Variants in AARSD1 observed in about 807,000 individuals in gnomAD.
AARSD1 encodes the protein alanyl-tRNA editing protein Aarsd1.
In AARSD1, 44 loss-of-function variants were observed where a neutral mutation model predicts 48.7. The observed-to-expected ratio is 0.90, with a 90% CI of 0.71 to 1.16. AARSD1 has a LOEUF of 1.16. AARSD1 is among the 50% of genes most tolerant of loss of function. The probability of loss-of-function intolerance (pLI) is 0.00; values close to 1 mark genes in which losing one functional copy is unlikely to be tolerated. For missense variants in AARSD1, 511 were observed against 523.1 expected, an observed-to-expected ratio of 0.98 and a Z score of 0.23; for synonymous variants, 189 against 194.9, an observed-to-expected ratio of 0.97 and a Z score of 0.25.
chr17:42,954,816 A>T, intron 9 of AARSD1, 60 bp downstream of exon 9: 2 of 1,565,760 alleles, frequency 1.3e-6, no homozygotes, highest in Non-Finnish European at 1.8e-6. Flanking sequence ...TATAGAGAAG[A>T]CACTGAGCCC....
At chr17:42,959,013 A>G (rs62076371) in intron 3 of AARSD1, among the ~76,000 whole-genome samples, 78,346 of 147,776 alleles carry the variant, frequency 0.53, 24,068 homozygotes, top group Non-Finnish European at 0.68. Context: ...CCTGGCCAAC[A>G]TGGTGAACCC....
At chr17:42,951,588 A>C (rs953616174) in intron 11 of AARSD1, among the ~76,000 whole-genome samples, 1 of 152,182 alleles carries the variant, frequency 6.6e-6, no homozygotes, top group African/African-American at 2.4e-5. Flanking sequence ...AAACAAAAAC[A>C]AAAACATACA....
intron 3 of AARSD1, among the ~76,000 whole-genome samples, chr17:42,958,899 TTAACTTA>T (rs1296652550): frequency 6.6e-6 from 1 of 151,102 alleles, no homozygotes; most frequent in Admixed American, 6.6e-5. Flanking sequence ...CATTTCCACT[TTAACTTA>T]TATTTATTTA....
intron 9 of AARSD1, chr17:42,954,031 G>C (rs2049513501): frequency 3.9e-6 from 2 of 510,996 alleles, no homozygotes; most frequent in Non-Finnish European, 7.1e-6. Flanking sequence ...AAATCTGTTA[G>C]AGAGTAAAGG....
chr17:42,958,859 C>T (rs940445199), intron 3 of AARSD1, among the ~76,000 whole-genome samples: 29 of 151,288 alleles, frequency 1.9e-4, no homozygotes, highest in Admixed American at 1.6e-3. Flanking sequence ...TGAGCCACCA[C>T]GCTCAGTCTG....
At position 42,956,516 on chromosome 17, in the gene AARSD1, G is replaced by T. The variant is rs774854769; in HGVS notation, c.434C>A (p.Ser145Tyr). ...GGCAGCTACTTGCTCTGCAGTCATA[G>T]AGGGGGTGTCCAGCTCAATCGCACT... ...FRSAIELDTP[S>Y]MTAEQVAAIE... Residue 145 changes from serine to tyrosine, a missense_variant, in exon 5 of 12, where the codon TCT becomes TAT. Transcript: ENST00000427569. The T allele has an allele frequency of 6.2e-7, 1 of 1,614,052 alleles. No individual in the cohort carries two copies. Among genetic ancestry groups the T allele is most frequent in the South Asian group, 1.1e-5 (1 of 91,084 alleles).
intron 3 of AARSD1, among the ~76,000 whole-genome samples, chr17:42,960,194 G>A (rs888571736): frequency 2.0e-5 from 3 of 151,898 alleles, no homozygotes; most frequent in Non-Finnish European, 2.9e-5. Flanking sequence ...ACTTGAGCCC[G>A]GGAGGTGAGG....
chr17:42,955,318 C>T, intron 7 of AARSD1, 94 bp from the exon 8 acceptor site: 1 of 1,485,942 alleles, frequency 6.7e-7, no homozygotes. Context: ...GCTATGGTGC[C>T]TCCCTGCAGT....
Position 42,961,277 on chromosome 17 carries a change from G to A in AARSD1, c.246C>T (p.Phe82=). The A allele has an allele frequency of 6.2e-7, 1 of 1,614,162 alleles. No homozygotes were observed. The highest frequency in any genetic ancestry group is 1.1e-5 in the South Asian group (1 of 91,080). The part of the protein sequence containing the change: ...VTRRGEQADH[F]TQTPLDPGSQ... ...TTCCTGGATCCAGGGGTGTCTGGGT[G>A]AAATGATCAGCCTGTTCCCCACGGC... The change falls in exon 3 of 12, where the codon TTC becomes TTT. Residue 82 remains phenylalanine, a synonymous_variant. Coordinates refer to ENST00000427569, the MANE Select transcript of AARSD1 (RefSeq NM_001261434.2).
chr17:42,956,590 A>C, intron 4 of AARSD1, 30 bp from the exon 5 acceptor site: 3 of 1,563,418 alleles, frequency 1.9e-6, no homozygotes, highest in Non-Finnish European at 2.6e-6. Flanking sequence ...CACAGATAAC[A>C]TATCTTACTG....
Position 42,964,167 on chromosome 17 carries a change from A to C in AARSD1, c.110T>G (p.Val37Gly). Residue 37 changes from valine (V) to glycine (G), a missense_variant, in exon 2 of 12, where the codon GTG becomes GGG. Val to Gly is a moderately radical substitution (Grantham distance 109). Coordinates refer to ENST00000427569, the MANE Select transcript of AARSD1 (RefSeq NM_001261434.2). The part of the protein sequence containing the change: ...QTEGSNGKKE[V>G]LSGFQVVLED... Reference sequence around the variant, plus strand: ...CAGCACCACTTGGAAACCGCTCAGCACTTCTTTCTTGCCGTTGCTCCCTTC... The same window carrying C: ...CAGCACCACTTGGAAACCGCTCAGCCCTTCTTTCTTGCCGTTGCTCCCTTC... 1.2e-6 allele frequency: 2 copies of C among 1,614,230 alleles called. No homozygotes were observed. The highest frequency in any genetic ancestry group is 1.7e-6 in the Non-Finnish European group (2 of 1,180,052).
intron 1 of AARSD1, 24 bp from the exon 2 acceptor site, chr17:42,964,261 T>G (rs771886531): frequency 6.6e-7 from 1 of 1,525,064 alleles, no homozygotes; most frequent in East Asian, 2.4e-5. Flanking sequence ...AATGAGAGAA[T>G]AAGCCCCGAC....
intron 11 of AARSD1, 107 bp downstream of exon 11, chr17:42,951,693 G>T: frequency 8.2e-7 from 1 of 1,218,664 alleles, no homozygotes; most frequent in African/African-American, 1.5e-5. Context: ...TGCCCATGAT[G>T]TGAATTAAAT....
intron 2 of AARSD1, among the ~76,000 whole-genome samples, 187 bp downstream of exon 2, chr17:42,963,919 G>C (rs781242919): frequency 1.3e-5 from 2 of 152,088 alleles, no homozygotes; most frequent in Non-Finnish European, 2.9e-5. Context: ...TTACAGCCTG[G>C]AATAATATCT....
chr17:42,961,396 C>T (rs377620891), intron 2 of AARSD1, 45 bp from the exon 3 acceptor site: 42 of 1,612,244 alleles, frequency 2.6e-5, no homozygotes, highest in African/African-American at 9.3e-5. Context: ...GCAGGGCTCA[C>T]CCTAACTTCT....
At chr17:42,954,652 T>A (rs759421399) in intron 9 of AARSD1, among the ~76,000 whole-genome samples, 2 of 151,982 alleles carry the variant, frequency 1.3e-5, no homozygotes, top group African/African-American at 2.4e-5. Context: ...CCAGGCTGGT[T>A]TCGAACTCCT....
intron 3 of AARSD1, among the ~76,000 whole-genome samples, chr17:42,959,670 T>C (rs2049605758): frequency 7.0e-6 from 1 of 142,942 alleles, no homozygotes; most frequent in East Asian, 2.1e-4. Context: ...TTCTCTTTTC[T>C]TTTTTTTTTT....
chr17:42,952,631 C>T (rs1161897723), intron 10 of AARSD1, among the ~76,000 whole-genome samples: 2 of 151,928 alleles, frequency 1.3e-5, no homozygotes, highest in African/African-American at 4.8e-5. Context: ...AATCACGCCA[C>T]TGTACTCCAG....
At chr17:42,954,990 G>A (rs1046325473) in intron 8 of AARSD1, 23 bp from the exon 9 acceptor site, 2 of 1,613,934 alleles carry the variant, frequency 1.2e-6, no homozygotes, top group African/African-American at 2.7e-5. Context: ...TGGTAACTCA[G>A]TAGATAAATG....
Sources: gnomAD v4.1 joint callset for allele counts (sites outside exome capture counted in the v4.1 genomes callset) on GRCh38, gnomAD v4.1.1 for gene constraint, MANE v1.5 for transcripts, NCBI Gene and HGNC (gene_info 2026-07-23, HGNC 2026-07-21) for gene names.